Variants in CBLN2 observed in about 807,000 individuals in gnomAD.
The protein encoded by CBLN2 is cerebellin-2.
CBLN2 carries 7 observed loss-of-function variants against 15.0 expected under a neutral mutation model. That is an observed-to-expected ratio of 0.47 (90% CI 0.27 to 0.88). The LOEUF (loss-of-function observed/expected upper bound fraction) is 0.88, where lower values mean the gene tolerates loss of function less well. Ranked by LOEUF, CBLN2 falls within the 40% of genes least tolerant of loss-of-function variation. The probability of loss-of-function intolerance (pLI) is 0.14; values close to 1 mark genes in which losing one functional copy is unlikely to be tolerated. For synonymous variants in CBLN2, 149 were observed against 135.2 expected (o/e 1.10, Z -0.71); for missense variants, 242 against 304.5 (o/e 0.79, Z 1.53).
At chr18:72,617,417 A>G (rs1255056456) in intron 1 of CBLN2, among the ~76,000 whole-genome samples, 2 of 152,304 alleles carry the variant, frequency 1.3e-5, no homozygotes, top group Non-Finnish European at 1.5e-5. Flanking sequence ...TATTCTGACA[A>G]ACTTTATTTA....
chr18:72,538,054 T>C lies in CBLN2; in HGVS notation c.*122A>G. The C allele has an allele frequency of 4.2e-6, 4 of 941,546 alleles. No individual in the cohort carries two copies. The highest frequency in any genetic ancestry group is 1.7e-5 in the African/African-American group (1 of 60,562). The allele number at this position is 941,546 out of a possible 1,614,324, so 58.3% of individuals were successfully genotyped here. Reference sequence around the variant, plus strand: ...GAGGTTTCAAAGGAAATCATTCTTCTACTGCAACAGTCTGACGGAGGTTGG... The same window carrying C: ...GAGGTTTCAAAGGAAATCATTCTTCCACTGCAACAGTCTGACGGAGGTTGG... On this transcript the variant is annotated 3_prime_UTR_variant, in exon 5 of 5. Coordinates refer to ENST00000269503, the MANE Select transcript of CBLN2 (RefSeq NM_182511.4).
At chr18:72,636,748 C>A (rs572577953) in intron 1 of CBLN2, among the ~76,000 whole-genome samples, 2 of 152,136 alleles carry the variant, frequency 1.3e-5, no homozygotes, top group African/African-American at 2.4e-5. Context: ...TACCATGAGT[C>A]TGGGTTTCTC....
At chr18:72,550,161 G>A (rs947720502) in intron 1 of CBLN2, among the ~76,000 whole-genome samples, 3 of 152,120 alleles carry the variant, frequency 2.0e-5, no homozygotes, top group Non-Finnish European at 2.9e-5. Flanking sequence ...TAAGGAAAAT[G>A]AGAAACAAAG....
chr18:72,619,697 T>C (rs1009956095), intron 1 of CBLN2, among the ~76,000 whole-genome samples: 9 of 152,228 alleles, frequency 5.9e-5, no homozygotes, highest in Non-Finnish European at 8.8e-5. Flanking sequence ...TTCTCATTTA[T>C]AGAAGAGCTA....
intron 1 of CBLN2, among the ~76,000 whole-genome samples, chr18:72,559,431 A>C (rs1834748003): frequency 6.6e-6 from 1 of 152,264 alleles, no homozygotes; most frequent in African/African-American, 2.4e-5. Context: ...CAGAGCACAC[A>C]TCCAAGTCGC....
chr18:72,545,988 C>T (rs1022059135), upstream of CBLN2, among the ~76,000 whole-genome samples: 1 of 152,086 alleles, frequency 6.6e-6, no homozygotes, highest in Non-Finnish European at 1.5e-5. Flanking sequence ...ACTTATTGGA[C>T]TAAGTTATTG....
At chr18:72,628,495 A>G (rs2069754740) in intron 1 of CBLN2, among the ~76,000 whole-genome samples, 1 of 152,166 alleles carries the variant, frequency 6.6e-6, no homozygotes, top group Non-Finnish European at 1.5e-5. Flanking sequence ...GCCTGTCTGA[A>G]TTGTCCAGCA....
intron 1 of CBLN2, among the ~76,000 whole-genome samples, chr18:72,578,082 G>T (rs183841720): frequency 4.8e-4 from 73 of 152,270 alleles, no homozygotes; most frequent in African/African-American, 1.6e-3. Flanking sequence ...ACCTTTTGAA[G>T]CTTCAATTCA....
chr18:72,611,427 A>G (rs947649431), intron 1 of CBLN2, among the ~76,000 whole-genome samples: 2 of 152,248 alleles, frequency 1.3e-5, no homozygotes, highest in East Asian at 1.9e-4. Context: ...TTGACTTTCA[A>G]TAATAGCCAT....
chr18:72,564,615 A>T (rs543796679), intron 1 of CBLN2, among the ~76,000 whole-genome samples: 6 of 152,316 alleles, frequency 3.9e-5, no homozygotes, highest in African/African-American at 1.4e-4. Context: ...GATACAAAAA[A>T]GAATGGAAGA....
chr18:72,562,236 C>T (rs1304202770), intron 1 of CBLN2, among the ~76,000 whole-genome samples: 1 of 151,852 alleles, frequency 6.6e-6, no homozygotes, highest in African/African-American at 2.4e-5. Flanking sequence ...TTAGGGATGA[C>T]AATGTAGGCC....
intron 1 of CBLN2, among the ~76,000 whole-genome samples, chr18:72,564,416 T>A (rs1369343399): frequency 6.6e-6 from 1 of 151,864 alleles, no homozygotes; most frequent in Non-Finnish European, 1.5e-5. Context: ...AAAAATACAG[T>A]CGAGAGCTTC....
At chr18:72,590,535 T>C (rs1192024593) in intron 1 of CBLN2, among the ~76,000 whole-genome samples, 1 of 152,206 alleles carries the variant, frequency 6.6e-6, no homozygotes, top group Non-Finnish European at 1.5e-5. Flanking sequence ...TTAGAATTTA[T>C]TGTGATAATG....
Position 72,537,221 on chromosome 18 carries a change from G to A in CBLN2, c.*955C>T, listed in dbSNP as rs2069069780. The A allele has an allele frequency of 6.6e-6, 1 of 152,040 alleles. No homozygotes were observed. The highest frequency in any genetic ancestry group is 6.6e-5 in the Admixed American group (1 of 15,254). The allele number at this position is 152,040 out of a possible 1,614,324, so 9.4% of individuals were successfully genotyped here. ...GATTCAGGACCACTCAGGAACACCA[G>A]GTTCTTAAAGGATTCTGAAGTATAA... On this transcript the variant is annotated 3_prime_UTR_variant, in exon 5 of 5. Coordinates refer to ENST00000269503, the MANE Select transcript of CBLN2 (RefSeq NM_182511.4).
chr18:72,601,953 T>A (rs566596998), intron 1 of CBLN2, among the ~76,000 whole-genome samples: 1 of 152,330 alleles, frequency 6.6e-6, no homozygotes, highest in African/African-American at 2.4e-5. Flanking sequence ...GCAGCCAGTT[T>A]ACAGCCCCTC....
chr18:72,562,900 C>T (rs539252815), intron 1 of CBLN2, among the ~76,000 whole-genome samples: 16 of 152,320 alleles, frequency 1.1e-4, no homozygotes, highest in African/African-American at 3.6e-4. Flanking sequence ...TAGTTTTAAA[C>T]TACAGGAAAT....
upstream of CBLN2, among the ~76,000 whole-genome samples, chr18:72,544,851 G>A (rs561281856): frequency 6.6e-6 from 1 of 152,058 alleles, no homozygotes; most frequent in South Asian, 2.1e-4. Context: ...GGGCCGTATA[G>A]TTTATGCTGG....
intron 1 of CBLN2, among the ~76,000 whole-genome samples, chr18:72,559,987 T>C (rs1343191838): frequency 6.6e-6 from 1 of 152,208 alleles, no homozygotes; most frequent in Admixed American, 6.5e-5. Context: ...TTTCTTTCCA[T>C]AGGAATAATA....
intron 1 of CBLN2, among the ~76,000 whole-genome samples, chr18:72,613,796 C>T (rs1471290295): frequency 6.6e-6 from 1 of 152,152 alleles, no homozygotes; most frequent in African/African-American, 2.4e-5. Context: ...TCTTTGAAAA[C>T]CTCATAGATT....
Sources: gnomAD v4.1 joint callset for allele counts (sites outside exome capture counted in the v4.1 genomes callset) on GRCh38, gnomAD v4.1.1 for gene constraint, MANE v1.5 for transcripts, NCBI Gene and HGNC (gene_info 2026-07-23, HGNC 2026-07-21) for gene names.